MICU1: variants seen among roughly 807,000 people sequenced by gnomAD.
MICU1 encodes the protein calcium uptake protein 1, mitochondrial.
A neutral mutation model predicts 56.8 loss-of-function variants in MICU1; 45 were observed. The observed-to-expected ratio is 0.79, with a 90% CI of 0.62 to 1.02. The LOEUF (loss-of-function observed/expected upper bound fraction) is 1.02. Among genes scored for constraint, MICU1 ranks in the 50% least tolerant of loss-of-function variants. MICU1 has a pLI of 0.00. For synonymous variants in MICU1, 186 were observed against 195.1 expected (o/e 0.95, Z 0.39); for missense variants, 504 against 587.1 (o/e 0.86, Z 1.46).
At chr10:72,423,487 T>C (rs1332339407) in intron 8 of MICU1, 116 bp from the exon 9 acceptor site, 1 of 1,283,184 alleles carries the variant, frequency 7.8e-7, no homozygotes. Flanking sequence ...GGACTATATT[T>C]TTGAGGTACA....
At chr10:72,374,806 A>ATTT (rs1862461272) in intron 11 of MICU1, among the ~76,000 whole-genome samples, 6 of 112,274 alleles carry the variant, frequency 5.3e-5, no homozygotes, top group East Asian at 3.3e-4. Context: ...ATCTACTATT[A>ATTT]TCTTTTTTTT....
chr10:72,497,998 G>C, intron 6 of MICU1, among the ~76,000 whole-genome samples: 1 of 152,174 alleles, frequency 6.6e-6, no homozygotes, highest in East Asian at 1.9e-4. Context: ...TTCTTACTTA[G>C]AGATTCTTTT....
chr10:72,381,294 G>A (rs1400629715), intron 10 of MICU1, among the ~76,000 whole-genome samples: 2 of 152,180 alleles, frequency 1.3e-5, no homozygotes, highest in Non-Finnish European at 2.9e-5. Flanking sequence ...CCAAGGTTAA[G>A]TGAGGGGAGA....
chr10:72,530,110 C>T (rs980464089), intron 5 of MICU1, among the ~76,000 whole-genome samples: 7 of 150,806 alleles, frequency 4.6e-5, no homozygotes, highest in African/African-American at 1.7e-4. Flanking sequence ...GGCAGATTAC[C>T]TGAGGTCAGG....
At chr10:72,393,839 C>T (rs971889930) in intron 10 of MICU1, among the ~76,000 whole-genome samples, 6 of 152,206 alleles carry the variant, frequency 3.9e-5, no homozygotes, top group South Asian at 2.1e-4. Flanking sequence ...GATCTTGGCT[C>T]ACTGCAATCT....
intron 1 of MICU1, among the ~76,000 whole-genome samples, chr10:72,602,231 A>G (rs1001165411): frequency 6.7e-6 from 1 of 150,196 alleles, no homozygotes; most frequent in African/African-American, 2.5e-5. Flanking sequence ...TGGGTGGATC[A>G]CTTCAGGTCA....
intron 1 of MICU1, among the ~76,000 whole-genome samples, chr10:72,618,316 C>A (rs181603018): frequency 6.6e-6 from 1 of 152,120 alleles, no homozygotes; most frequent in Admixed American, 6.5e-5. Context: ...CCAGGCTGGT[C>A]TTGAATTCCT....
At chr10:72,400,866 TACACACACACACACACACACAC>T (rs61091649) in intron 10 of MICU1, among the ~76,000 whole-genome samples, 3 of 142,238 alleles carry the variant, frequency 2.1e-5, no homozygotes, top group Admixed American at 7.2e-5. Flanking sequence ...CTGGTGGTGC[TACACACACACACACACACACAC>T]ACACACACAC....
intron 10 of MICU1, among the ~76,000 whole-genome samples, chr10:72,392,296 C>T (rs1863103126): frequency 6.6e-6 from 1 of 152,142 alleles, no homozygotes; most frequent in African/African-American, 2.4e-5. Context: ...GAGGGCCAGG[C>T]ACAGTGGCTC....
intron 10 of MICU1, among the ~76,000 whole-genome samples, chr10:72,405,652 T>TA (rs748755846): frequency 7.8e-4 from 118 of 152,042 alleles, no homozygotes; most frequent in Non-Finnish European, 1.3e-3. Context: ...AGTAATACAT[T>TA]AAAAAAGCTA....
intron 6 of MICU1, among the ~76,000 whole-genome samples, chr10:72,486,054 A>G (rs1362810850): frequency 3.3e-5 from 5 of 152,182 alleles, no homozygotes; most frequent in Non-Finnish European, 7.3e-5. Context: ...AAAATAAGGT[A>G]AAAGAAGACC....
intron 9 of MICU1, among the ~76,000 whole-genome samples, chr10:72,416,910 C>T (rs1863999969): frequency 6.6e-6 from 1 of 152,124 alleles, no homozygotes; most frequent in South Asian, 2.1e-4. Flanking sequence ...TAAGGCACTG[C>T]TCTCAAGAAG....
chr10:72,556,794 G>A (rs1365553748), intron 3 of MICU1, among the ~76,000 whole-genome samples: 1 of 151,932 alleles, frequency 6.6e-6, no homozygotes, highest in Non-Finnish European at 1.5e-5. Flanking sequence ...TGGCCAGGTG[G>A]GTAGCTCTCG....
intron 6 of MICU1, among the ~76,000 whole-genome samples, chr10:72,500,546 T>C (rs1867036943): frequency 6.6e-6 from 1 of 151,742 alleles, no homozygotes; most frequent in Admixed American, 6.6e-5. Context: ...GGTCTCCAAC[T>C]CCTGACCTCG....
At position 72,448,165 on chromosome 10, in the gene MICU1, A is replaced by G. The variant is rs11817738; in HGVS notation, c.934-24794T>C. 1.4e-3 allele frequency among the ~76,000 whole-genome samples: 116 copies of G among 85,632 alleles called. 1 individual carries two copies. Among genetic ancestry groups the G allele is most frequent in the African/African-American group, 3.3e-3 (75 of 22,484 alleles). 56.2% of individuals were successfully genotyped at this position (85,632 alleles called of 152,430 possible). On this transcript the variant is annotated intron_variant, in intron 8 of 11. Transcript: ENST00000361114. ...TGTGTGTGTGTCTGTGTGTGTGTAT[A>G]TGTGTGTGTATATATATATATATAT... is the stretch of plus-strand genomic sequence containing the variant.
chr10:72,486,044 A>G (rs1338424060), intron 6 of MICU1, among the ~76,000 whole-genome samples: 1 of 152,172 alleles, frequency 6.6e-6, no homozygotes, highest in Non-Finnish European at 1.5e-5. Context: ...TGAAAAACAT[A>G]AAATAAGGTA....
chr10:72,584,348 A>C (rs139532935), intron 1 of MICU1, among the ~76,000 whole-genome samples: 1 of 152,304 alleles, frequency 6.6e-6, no homozygotes, highest in Non-Finnish European at 1.5e-5. Flanking sequence ...AAGAAAAAGA[A>C]AAAATAACCA....
At chr10:72,619,114 T>G (rs1014573740) in intron 1 of MICU1, among the ~76,000 whole-genome samples, 18 of 152,236 alleles carry the variant, frequency 1.2e-4, no homozygotes, top group Admixed American at 2.0e-4. Flanking sequence ...ACTTACTTTA[T>G]TGGATTATAT....
intron 8 of MICU1, among the ~76,000 whole-genome samples, chr10:72,467,185 G>A (rs1865820568): frequency 6.6e-6 from 1 of 151,618 alleles, no homozygotes; most frequent in South Asian, 2.1e-4. Flanking sequence ...TTTTTGTTTT[G>A]TTTTGTTTTG....
Sources: allele counts gnomAD v4.1 joint callset (sites outside exome capture counted in the v4.1 genomes callset), GRCh38; gene constraint gnomAD v4.1.1; transcripts MANE v1.5; gene names NCBI Gene and HGNC (gene_info 2026-07-23, HGNC 2026-07-21).